RBSN: variants seen among roughly 807,000 people sequenced by gnomAD.
RBSN encodes rabenosyn, RAB effector.
Under a neutral mutation model 60.5 loss-of-function variants are expected in RBSN, and 34 were observed. That is an observed-to-expected ratio of 0.56 (90% CI 0.43 to 0.75). The LOEUF (loss-of-function observed/expected upper bound fraction) is 0.75, where lower values mean the gene tolerates loss of function less well. Ranked by LOEUF, RBSN falls within the 30% of genes least tolerant of loss-of-function variation. The probability of loss-of-function intolerance (pLI) is 0.00; values close to 1 mark genes in which losing one functional copy is unlikely to be tolerated. For synonymous variants in RBSN, 322 were observed against 366.9 expected, an observed-to-expected ratio of 0.88 and a Z score of 1.40; for missense variants, 845 against 986.8, an observed-to-expected ratio of 0.86 and a Z score of 1.92.
intron 1 of RBSN, among the ~76,000 whole-genome samples, chr3:15,098,475 AAAATAAATAT>A (rs1269093261): frequency 9.4e-5 from 5 of 53,304 alleles, no homozygotes; most frequent in Non-Finnish European, 1.9e-4. Context: ...AAAAATAAAA[AAAATAAATAT>A]AGCTACATGT....
intron 2 of RBSN, among the ~76,000 whole-genome samples, 189 bp from the exon 3 acceptor site, chr3:15,096,899 A>G (rs1442042513): frequency 6.6e-6 from 1 of 152,172 alleles, no homozygotes; most frequent in Non-Finnish European, 1.5e-5. Flanking sequence ...AAGAGACAGC[A>G]TCTTGCTCTG....
In RBSN at chr3:15,084,586, T is replaced by C. The variant is rs1167597045; in HGVS notation, c.598+149A>G. ...CCCTAGCATAGTACCTAGTCTGTAG[T>C]GGGTTTCACAGAAACAGCAACTCAA... On this transcript the variant is annotated intron_variant, in intron 8 of 13. Coordinates refer to ENST00000253699, the MANE Select transcript of RBSN (RefSeq NM_022340.4). This position sits in a 1 kb window ranked among gnomAD's most constrained non-coding sequence, Gnocchi z 4.2. The C allele has an allele frequency of 3.7e-6, 4 of 1,089,086 alleles. No individual in the cohort carries two copies. In the African/African-American group the frequency reaches 6.3e-5, roughly 17 times the overall value. 67.5% of individuals were successfully genotyped at this position (1,089,086 alleles called of 1,614,324 possible).
intron 8 of RBSN, among the ~76,000 whole-genome samples, chr3:15,083,402 A>C (rs1193673379): frequency 2.0e-5 from 3 of 152,174 alleles, no homozygotes; most frequent in African/African-American, 7.2e-5. Context: ...AGAACTCTCT[A>C]GTGTTGCAAA....
At chr3:15,093,554 G>C (rs1490974803) in intron 4 of RBSN, among the ~76,000 whole-genome samples, 1 of 152,044 alleles carries the variant, frequency 6.6e-6, no homozygotes, top group African/African-American at 2.4e-5. Context: ...ACTATGACTG[G>C]CTAATTTTTT....
rs538067888 is a variant in RBSN, at chr3:15,080,967, T to C, written c.841-165A>G. The C allele has an allele frequency of 5.0e-6, 3 of 600,746 alleles. No homozygotes were observed. The African/African-American group carries it at 5.6e-5, about 11-fold the overall frequency. 37.2% of individuals were successfully genotyped at this position (600,746 alleles called of 1,614,324 possible). On this transcript the variant is annotated intron_variant, in intron 9 of 13. Transcript: ENST00000253699. ...ATAGGCATACTTTCCAAGCAGAAAATTTTGTAGGAAGGAAAGAAAGTGAGA... is the reference window on the plus strand; with the variant it reads ...ATAGGCATACTTTCCAAGCAGAAAACTTTGTAGGAAGGAAAGAAAGTGAGA...
chr3:15,080,723 A>G lies in RBSN; in HGVS notation c.911+9T>C. On this transcript the variant is annotated intron_variant, in intron 10 of 13. Coordinates refer to ENST00000253699, the MANE Select transcript of RBSN (RefSeq NM_022340.4). ...CACTGGATTAGAAAAACATAGATGA[A>G]TAGCTTACTTTAATGATGCTGCCAT... 4 of 1,612,710 alleles carry G rather than the reference A, an allele frequency of 2.5e-6. No individual in the cohort carries two copies. Among genetic ancestry groups the G allele is most frequent in the Non-Finnish European group, 3.4e-6 (4 of 1,179,124 alleles).
At chr3:15,079,545 TTCA>T (rs1575090847) in intron 10 of RBSN, among the ~76,000 whole-genome samples, 1 of 152,198 alleles carries the variant, frequency 6.6e-6, no homozygotes, top group East Asian at 1.9e-4. Context: ...AACCCAAATG[TTCA>T]TCAACTGATG....
intron 10 of RBSN, among the ~76,000 whole-genome samples, chr3:15,078,778 ACATATATATAT>A (rs2043124167): frequency 3.1e-4 from 11 of 35,794 alleles, no homozygotes; most frequent in African/African-American, 1.1e-3. Flanking sequence ...AAAAAAAAAT[ACATATATATAT>A]ATATATATAT....
In RBSN at chr3:15,082,721, G is replaced by T; in HGVS notation, c.599-113C>A. The T allele has an allele frequency of 6.9e-7, 1 of 1,452,726 alleles. No individual in the cohort carries two copies. Among genetic ancestry groups the T allele is most frequent in the Non-Finnish European group, 9.3e-7 (1 of 1,080,698 alleles). 90.0% of individuals were successfully genotyped at this position (1,452,726 alleles called of 1,614,324 possible). Reference sequence around the variant, plus strand: ...TTGATTTGGAGAGTAATAAGATCAGGCTCCAGCTGTGGGCACGTACTGCCC... The same window carrying T: ...TTGATTTGGAGAGTAATAAGATCAGTCTCCAGCTGTGGGCACGTACTGCCC... On this transcript the variant is annotated intron_variant, in intron 8 of 13. Coordinates refer to ENST00000253699, the MANE Select transcript of RBSN (RefSeq NM_022340.4). The surrounding 1 kb of genome is among the most constrained non-coding windows in gnomAD (Gnocchi z 4.2).
Position 15,089,463 on chromosome 3 carries a change from AAAAAAAAAAAAAAAC to A in RBSN, c.289+921_289+935del, listed in dbSNP as rs1304557734. 6.5e-3 allele frequency among the ~76,000 whole-genome samples: 716 copies of A among 110,458 alleles called. 24 individuals carry two copies. Among genetic ancestry groups the A allele is most frequent in the African/African-American group, 0.046 (680 of 14,690 alleles). The allele number at this position is 110,458 out of a possible 152,430, so 72.5% of individuals were successfully genotyped here. On this transcript the variant is annotated intron_variant, in intron 5 of 13. Transcript: ENST00000253699. ...ACAGTGAGACTCCATCTCCAAAAAA[AAAAAAAAAAAAAAAC>A]AAAAAAAAAAAACAGATATGTAAGA... is the stretch of plus-strand genomic sequence containing the variant.
At chr3:15,086,043 T>G in intron 5 of RBSN, 82 bp from the exon 6 acceptor site, 1 of 1,041,420 alleles carries the variant, frequency 9.6e-7, no homozygotes, top group Non-Finnish European at 1.4e-6. Context: ...CTTATCCCAG[T>G]GAATTTCAAA....
At chr3:15,081,804 C>A (rs888916050) in intron 9 of RBSN, among the ~76,000 whole-genome samples, 4 of 152,206 alleles carry the variant, frequency 2.6e-5, no homozygotes, top group Non-Finnish European at 5.9e-5. Flanking sequence ...AGGGACCAAG[C>A]CAGTCTCACT....
At chr3:15,085,824 T>A (rs975673553) in intron 6 of RBSN, 37 bp downstream of exon 6, 1 of 1,519,246 alleles carries the variant, frequency 6.6e-7, no homozygotes, top group Non-Finnish European at 9.1e-7. Flanking sequence ...AAAATGTGTA[T>A]TTGTAGAAAA....
Position 15,082,654 on chromosome 3 carries a change from A to G in RBSN, c.599-46T>C, listed in dbSNP as rs1277508898. Reference sequence around the variant, plus strand: ...GGCAGCAATGACCCCCACAGCATCCAATTACCATACCCACGACCTCAAGGT... The same window carrying G: ...GGCAGCAATGACCCCCACAGCATCCGATTACCATACCCACGACCTCAAGGT... On this transcript the variant is annotated intron_variant, in intron 8 of 13. Coordinates refer to ENST00000253699, the MANE Select transcript of RBSN (RefSeq NM_022340.4). This position sits in a 1 kb window ranked among gnomAD's most constrained non-coding sequence, Gnocchi z 4.2. 1 of 1,600,416 alleles carries G rather than the reference A, an allele frequency of 6.2e-7. No individual in the cohort carries two copies. Among genetic ancestry groups the G allele is most frequent in the South Asian group, 1.1e-5 (1 of 89,722 alleles).
At position 15,090,865 on chromosome 3, in the gene RBSN, T is replaced by C. The variant is rs541670316; in HGVS notation, c.149-326A>G. 2.6e-5 allele frequency among the ~76,000 whole-genome samples: 4 copies of C among 152,302 alleles called. No homozygotes were observed. In the South Asian group the frequency reaches 8.3e-4, roughly 32 times the overall value. ...AAATTTGATGAGGAAAACAGGGTGA[T>C]GGAAGTGTTTTCTTCTTTATCTTAA... On this transcript the variant is annotated intron_variant, in intron 4 of 13. Transcript: ENST00000253699.
chr3:15,078,023 C>G, intron 11 of RBSN, 52 bp downstream of exon 11: 1 of 1,489,574 alleles, frequency 6.7e-7, no homozygotes, highest in South Asian at 1.1e-5. Context: ...TTCATTAGAA[C>G]AGCATCTTCT....
chr3:15,081,938 G>A (rs1033817203), intron 9 of RBSN, among the ~76,000 whole-genome samples: 3 of 152,296 alleles, frequency 2.0e-5, no homozygotes, highest in African/African-American at 4.8e-5. Flanking sequence ...TCAGTAAACT[G>A]GTGAAGCCTG....
At chr3:15,083,879 G>C (rs1427092969) in intron 8 of RBSN, among the ~76,000 whole-genome samples, 2 of 152,064 alleles carry the variant, frequency 1.3e-5, no homozygotes, top group Non-Finnish European at 2.9e-5. Flanking sequence ...CAAAGAGTTG[G>C]TCAGCCTCTC....
chr3:15,097,419 G>T (rs2043690267), intron 2 of RBSN, among the ~76,000 whole-genome samples: 1 of 152,168 alleles, frequency 6.6e-6, no homozygotes, highest in African/African-American at 2.4e-5. Context: ...GGGTACTGAG[G>T]CAGGAGAACT....
Sources: gnomAD v4.1 joint callset for allele counts (sites outside exome capture counted in the v4.1 genomes callset) on GRCh38, gnomAD v4.1.1 for gene constraint, Gnocchi (gnomAD v3.1) non-coding constraint, MANE v1.5 for transcripts, NCBI Gene and HGNC (gene_info 2026-07-23, HGNC 2026-07-21) for gene names.